Variants in PLCZ1 observed in about 807,000 individuals in gnomAD.
The protein encoded by PLCZ1 is phospholipase C zeta 1.
A neutral mutation model predicts 76.8 loss-of-function variants in PLCZ1; 64 were observed. The ratio of observed to expected loss-of-function variants is 0.83; its 90% CI spans 0.68 to 1.03. The LOEUF (loss-of-function observed/expected upper bound fraction) is 1.03, where lower values mean the gene tolerates loss of function less well. Among genes scored for constraint, PLCZ1 ranks in the 50% least tolerant of loss-of-function variants. PLCZ1 has a pLI of 0.00. For missense variants in PLCZ1, 751 were observed against 713.7 expected (o/e 1.05, Z -0.60); for synonymous variants, 248 against 230.8 (o/e 1.07, Z -0.68).
chr12:18,653,862 G>T, the PLCZ1 span, among the ~76,000 whole-genome samples: 1 of 152,076 alleles, frequency 6.6e-6, no homozygotes, highest in East Asian at 1.9e-4. Context: ...CTAGGCTGAG[G>T]TTCAGAAATA....
At chr12:18,669,947 T>A in the PLCZ1 span, among the ~76,000 whole-genome samples, 2 of 151,980 alleles carry the variant, frequency 1.3e-5, no homozygotes, top group Non-Finnish European at 1.5e-5. Flanking sequence ...GGACTACAGG[T>A]GTGAGCCACC....
chr12:18,689,845 GCT>G (rs1362505279), intron 12 of PLCZ1, among the ~76,000 whole-genome samples: 4 of 152,198 alleles, frequency 2.6e-5, no homozygotes, highest in African/African-American at 7.2e-5. Flanking sequence ...GTAAAACTTG[GCT>G]CTCTGATTCC....
In PLCZ1 at chr12:18,694,642, A is replaced by G. The variant is rs978571045; in HGVS notation, c.1461+268T>C. Among the ~76,000 whole-genome samples the G allele has an allele frequency of 1.8e-4, 28 of 152,162 alleles. 1 individual carries two copies. Among genetic ancestry groups the G allele is most frequent in the Non-Finnish European group, 2.2e-4 (15 of 68,024 alleles). On this transcript the variant is annotated intron_variant, in intron 12 of 14. Coordinates refer to ENST00000266505, the MANE Select transcript of PLCZ1 (RefSeq NM_033123.4). ...TCACAATATTAAATGCCTAAATACAATGAAATCATATAGTAGAACTTTGAG... is the reference window on the plus strand; with the variant it reads ...TCACAATATTAAATGCCTAAATACAGTGAAATCATATAGTAGAACTTTGAG...
intron 6 of PLCZ1, among the ~76,000 whole-genome samples, chr12:18,709,967 C>T (rs1187832260): frequency 2.0e-5 from 3 of 151,580 alleles, no homozygotes; most frequent in Non-Finnish European, 2.9e-5. Flanking sequence ...TCACTATTTG[C>T]GTATAAAAAT....
chr12:18,711,631 G>A (rs1957356401), intron 6 of PLCZ1, among the ~76,000 whole-genome samples: 1 of 151,710 alleles, frequency 6.6e-6, no homozygotes, highest in African/African-American at 2.4e-5. Flanking sequence ...GGTTACAGTT[G>A]GCAAAAAAGG....
chr12:18,707,954 G>C (rs1218378943), intron 6 of PLCZ1, among the ~76,000 whole-genome samples: 3 of 152,136 alleles, frequency 2.0e-5, no homozygotes, highest in African/African-American at 7.2e-5. Flanking sequence ...TTATTACAGT[G>C]AATCAAATTA....
chr12:18,715,635 T>G (rs1359765477), intron 5 of PLCZ1: 4 of 151,976 alleles, frequency 2.6e-5, no homozygotes, highest in African/African-American at 9.7e-5. Context: ...AAATTTTGCT[T>G]TTTGTTTTTG....
the PLCZ1 span, among the ~76,000 whole-genome samples, chr12:18,650,064 C>T: frequency 6.6e-6 from 1 of 151,964 alleles, no homozygotes; most frequent in Non-Finnish European, 1.5e-5. Context: ...AACTCCAGCC[C>T]AGAATACCTC....
the PLCZ1 span, among the ~76,000 whole-genome samples, chr12:18,659,813 A>G: frequency 6.6e-6 from 1 of 152,120 alleles, no homozygotes; most frequent in African/African-American, 2.4e-5. Flanking sequence ...ACCTAATGCT[A>G]AAATAAAGGA....
chr12:18,720,367 A>G (rs1165321448), intron 4 of PLCZ1, among the ~76,000 whole-genome samples: 1 of 151,698 alleles, frequency 6.6e-6, no homozygotes, highest in Non-Finnish European at 1.5e-5. Flanking sequence ...ACATTTCTGT[A>G]TGGTGCATGC....
At chr12:18,729,305 A>C (rs1386095791) in intron 3 of PLCZ1, among the ~76,000 whole-genome samples, 1 of 152,112 alleles carries the variant, frequency 6.6e-6, no homozygotes, top group Non-Finnish European at 1.5e-5. Context: ...AAGGTCCAGC[A>C]AGAATGCCAC....
intron 12 of PLCZ1, chr12:18,692,722 A>G: frequency 1.2e-6 from 1 of 840,410 alleles, no homozygotes; most frequent in Non-Finnish European, 1.9e-6. Context: ...AATCATCAAC[A>G]TAAAGAAAAA....
rs112759938 is a variant in PLCZ1, at chr12:18,737,419, C to G, written c.-48G>C. The G allele has an allele frequency of 1.9e-3, 3,067 of 1,612,968 alleles. 61 individuals carry two copies. In the African/African-American group the frequency reaches 0.036, roughly 19 times the overall value. On this transcript the variant is annotated 5_prime_UTR_variant, in exon 2 of 15. Transcript: ENST00000266505. ...TTTCTCCTCACTTAGAAGTCTTTCC[C>G]CAGTAGGTGCTGTCATGGGTTCCAA...
chr12:18,661,414 T>C, the PLCZ1 span, among the ~76,000 whole-genome samples: 1 of 151,788 alleles, frequency 6.6e-6, no homozygotes, highest in Non-Finnish European at 1.5e-5. Flanking sequence ...AAGAGAGAAG[T>C]GACACATCAC....
At chr12:18,667,979 A>C in the PLCZ1 span, among the ~76,000 whole-genome samples, 3 of 152,110 alleles carry the variant, frequency 2.0e-5, no homozygotes, top group African/African-American at 4.8e-5. Context: ...CAACAACAAA[A>C]AAAAAAGGCA....
At chr12:18,671,469 AAAG>A in the PLCZ1 span, among the ~76,000 whole-genome samples, 6 of 152,114 alleles carry the variant, frequency 3.9e-5, no homozygotes, top group African/African-American at 1.4e-4. Context: ...ACCTGAACCT[AAAG>A]AAGATCACAC....
the PLCZ1 span, among the ~76,000 whole-genome samples, chr12:18,651,922 C>T: frequency 1.3e-5 from 2 of 152,142 alleles, no homozygotes; most frequent in African/African-American, 2.4e-5. Flanking sequence ...TCTTTCCATT[C>T]CATCATAACT....
At chr12:18,647,370 T>C in the PLCZ1 span, among the ~76,000 whole-genome samples, 63 of 151,364 alleles carry the variant, frequency 4.2e-4, no homozygotes, top group Non-Finnish European at 7.8e-4. Flanking sequence ...TTAGGCAACA[T>C]GATCATTAGA....
chr12:18,668,533 C>T, the PLCZ1 span, among the ~76,000 whole-genome samples: 1 of 152,114 alleles, frequency 6.6e-6, no homozygotes, highest in Non-Finnish European at 1.5e-5. Flanking sequence ...GACTGCAACC[C>T]TAGTGCCCTT....
Sources: gnomAD v4.1 joint callset for allele counts (sites outside exome capture counted in the v4.1 genomes callset) on GRCh38, gnomAD v4.1.1 for gene constraint, MANE v1.5 for transcripts, NCBI Gene and HGNC (gene_info 2026-07-23, HGNC 2026-07-21) for gene names.